Variants in TNFRSF25 observed in about 807,000 individuals in gnomAD.
TNFRSF25 encodes tumor necrosis factor receptor superfamily member 25.
A neutral mutation model predicts 49.4 loss-of-function variants in TNFRSF25; 28 were observed. The ratio of observed to expected loss-of-function variants is 0.57; its 90% CI spans 0.42 to 0.78. The LOEUF (loss-of-function observed/expected upper bound fraction) is 0.78. TNFRSF25 is among the 30% of genes least tolerant of loss of function. The pLI is 0.00. For synonymous variants in TNFRSF25, 240 were observed against 234.2 expected (o/e 1.02, Z -0.23); for missense variants, 531 against 581.6 (o/e 0.91, Z 0.90).
At position 6,465,160 on chromosome 1, in the gene TNFRSF25, G is replaced by C. The variant is rs768824446; in HGVS notation, c.223C>G (p.Gln75Glu). ...TTCTCCCAGGCCAAGAAGGTGTCTT[G>C]GGGACACACAAGGCAGGTGGAGTTG... ...CGNSTCLVCP[Q>E]DTFLAWENHH... The change falls in exon 3 of 10, where the codon CAA (glutamine) becomes GAA (glutamate). Residue 75 changes from glutamine (Q) to glutamate (E), a missense_variant. Transcript: ENST00000356876. 1.2e-6 allele frequency: 2 copies of C among 1,613,928 alleles called. No homozygotes were observed. Among genetic ancestry groups the C allele is most frequent in the African/African-American group, 1.3e-5 (1 of 75,048 alleles).
intron 5 of TNFRSF25, 114 bp downstream of exon 5, chr1:6,464,261 T>A (rs926244859): frequency 3.4e-5 from 51 of 1,520,552 alleles, no homozygotes; most frequent in Middle Eastern, 2.3e-4. Flanking sequence ...GGGCCAAGGC[T>A]CCCTCCTCCC....
chr1:6,464,659 G>C lies in TNFRSF25; in HGVS notation c.356C>G (p.Pro119Arg), dbSNP rs1266163480. The change falls in exon 4 of 10, where the codon CCA becomes CGA. Residue 119 changes from proline (P) to arginine (R), a missense_variant. Transcript: ENST00000356876. ...GACCTGGCACTCCACAAACCAGCCT[G>C]GCTTACAGCCACAGCGGGTGTCGGC... ...AVADTRCGCK[P>R]GWFVECQVSQ... 1.9e-6 allele frequency: 3 copies of C among 1,614,060 alleles called. No individual in the cohort carries two copies. Among genetic ancestry groups the C allele is most frequent in the Non-Finnish European group, 2.5e-6 (3 of 1,180,022 alleles).
chr1:6,460,934 C>T lies in TNFRSF25; in HGVS notation c.*500G>A. 2.8e-6 allele frequency: 1 copy of T among 363,610 alleles called. No individual in the cohort carries two copies. Among genetic ancestry groups the T allele is most frequent in the Non-Finnish European group, 5.6e-6 (1 of 178,574 alleles). 22.5% of individuals were successfully genotyped at this position (363,610 alleles called of 1,614,324 possible). A position where few individuals can be genotyped will look rare whatever the true frequency, so the allele number is the denominator to read the frequency against. Reference sequence around the variant, plus strand: ...CATTAAAGCGCTCTCATCTGGGCTCCGGTTCACTCACTCGCTGTGGCCGCG... The same window carrying T: ...CATTAAAGCGCTCTCATCTGGGCTCTGGTTCACTCACTCGCTGTGGCCGCG... On this transcript the variant is annotated 3_prime_UTR_variant, in exon 10 of 10. Coordinates refer to ENST00000356876, the MANE Select transcript of TNFRSF25 (RefSeq NM_003790.3).
At position 6,461,215 on chromosome 1, in the gene TNFRSF25, G is replaced by C; in HGVS notation, c.*219C>G. 1 of 730,660 alleles carries C rather than the reference G, an allele frequency of 1.4e-6. No homozygotes were observed. The highest frequency in any genetic ancestry group is 2.5e-6 in the Non-Finnish European group (1 of 398,494). 45.3% of individuals were successfully genotyped at this position (730,660 alleles called of 1,614,324 possible). A position where few individuals can be genotyped will look rare whatever the true frequency, so the allele number is the denominator to read the frequency against. On this transcript the variant is annotated 3_prime_UTR_variant, in exon 10 of 10. Transcript: ENST00000356876. The surrounding 1 kb of genome is among the most constrained non-coding windows in gnomAD (Gnocchi z 6.3). ...GCGATCTCAGCCAAACTCCGGCCGAGAAGTTGAGAAATGTCTTCACCCCCT... is the reference window on the plus strand; with the variant it reads ...GCGATCTCAGCCAAACTCCGGCCGACAAGTTGAGAAATGTCTTCACCCCCT...
At chr1:6,463,420 G>A in intron 5 of TNFRSF25, 1 of 484,874 alleles carries the variant, frequency 2.1e-6, no homozygotes, top group Non-Finnish European at 3.7e-6. Flanking sequence ...GAACATAGCA[G>A]ATATTCAATA....
chr1:6,465,749 C>T lies in TNFRSF25; in HGVS notation c.40-189G>A, dbSNP rs555641959. 5 of 1,429,050 alleles carry T rather than the reference C, an allele frequency of 3.5e-6. No homozygotes were observed. The East Asian group carries it at 1.3e-4, about 36-fold the overall frequency. 88.5% of individuals were successfully genotyped at this position (1,429,050 alleles called of 1,614,324 possible). ...TTCCCCCCGCGCACACACCAGGCTT[C>T]GGAGGGGGCGCTTACCAGCCCCTCA... On this transcript the variant is annotated intron_variant, in intron 1 of 9. Transcript: ENST00000356876.
In TNFRSF25 at chr1:6,462,411, G is replaced by A; in HGVS notation, c.744+218C>T. ...AGCACCATGGGGCTCTCCTTCCATT[G>A]AACTGTTAGCTCCTGTGTACGAATC... On this transcript the variant is annotated intron_variant, in intron 8 of 9. Coordinates refer to ENST00000356876, the MANE Select transcript of TNFRSF25 (RefSeq NM_003790.3). This position sits in a 1 kb window ranked among gnomAD's most constrained non-coding sequence, Gnocchi z 4.2. The A allele has an allele frequency of 2.4e-6, 3 of 1,268,642 alleles. No individual in the cohort carries two copies. The highest frequency in any genetic ancestry group is 3.2e-6 in the Non-Finnish European group (3 of 945,942). 78.6% of individuals were successfully genotyped at this position (1,268,642 alleles called of 1,614,324 possible).
chr1:6,465,861 T>C, intron 1 of TNFRSF25: 1 of 1,421,144 alleles, frequency 7.0e-7, no homozygotes, highest in East Asian at 2.6e-5. Flanking sequence ...CTGATAATGC[T>C]CTGCCTGGGG....
rs369201004 is a variant in TNFRSF25, at chr1:6,463,049, C to T, written c.598+23G>A. 21 of 1,552,202 alleles carry T rather than the reference C, an allele frequency of 1.4e-5. No homozygotes were observed. The African/African-American group carries it at 1.4e-4, about 10-fold the overall frequency. The stretch of plus-strand genomic sequence containing the variant: ...CTCGGTCCATCCCAGTTCTCCCACT[C>T]GCATTCCCAGCACACCACCTACTCT... On this transcript the variant is annotated intron_variant, in intron 6 of 9. Coordinates refer to ENST00000356876, the MANE Select transcript of TNFRSF25 (RefSeq NM_003790.3).
Position 6,464,355 on chromosome 1 carries a change from C to T in TNFRSF25, c.542+20G>A, listed in dbSNP as rs115539300. 5.0e-5 allele frequency: 79 copies of T among 1,594,958 alleles called. No homozygotes were observed. In the African/African-American group the frequency reaches 9.5e-4, roughly 19 times the overall value. On this transcript the variant is annotated intron_variant, in intron 5 of 9. Transcript: ENST00000356876. ...GCTCCCAGCCGCCCTTCCCTCCATC[C>T]CACGACAGCTAGGAATTACGTGGGG...
Position 6,464,546 on chromosome 1 carries a change from A to G in TNFRSF25, c.463+6T>C. The G allele has an allele frequency of 6.2e-7, 1 of 1,613,976 alleles. No individual in the cohort carries two copies. Among genetic ancestry groups the G allele is most frequent in the East Asian group, 2.2e-5 (1 of 44,878 alleles). On this transcript the variant is annotated splice_donor_region_variant and intron_variant, in intron 4 of 9. Transcript: ENST00000356876. ...GGAGTAGAGAGCCCTGGGTGGGGGT[A>G]CTCACAGAGTAGCCGTGTGTGGCGG...
chr1:6,465,707 A>G lies in TNFRSF25; in HGVS notation c.40-147T>C. 2.8e-6 allele frequency: 4 copies of G among 1,441,584 alleles called. 1 individual carries two copies. The highest frequency in any genetic ancestry group is 3.6e-6 in the Non-Finnish European group (4 of 1,099,560). 89.3% of individuals were successfully genotyped at this position (1,441,584 alleles called of 1,614,324 possible). On this transcript the variant is annotated intron_variant, in intron 1 of 9. Transcript: ENST00000356876. ...GGGCAGAAGGGGTGCCCATGGGTGG[A>G]GAGGAAACTAACTTCCTTCCCCCCG...
chr1:6,462,841 G>C lies in TNFRSF25; in HGVS notation c.706+22C>G, dbSNP rs759800310. On this transcript the variant is annotated intron_variant, in intron 7 of 9. Coordinates refer to ENST00000356876, the MANE Select transcript of TNFRSF25 (RefSeq NM_003790.3). The surrounding 1 kb of genome is among the most constrained non-coding windows in gnomAD (Gnocchi z 4.2). ...ATCCTGACCCCAGGCTTCTGGGTGC[G>C]TGTGTGGGTGTGTGTACTTACCAGT... 1.9e-6 allele frequency: 3 copies of C among 1,593,056 alleles called. No homozygotes were observed. Among genetic ancestry groups the C allele is most frequent in the African/African-American group, 2.7e-5 (2 of 74,578 alleles).
chr1:6,461,238 C>G lies in TNFRSF25; in HGVS notation c.*196G>C. On this transcript the variant is annotated 3_prime_UTR_variant, in exon 10 of 10. Coordinates refer to ENST00000356876, the MANE Select transcript of TNFRSF25 (RefSeq NM_003790.3). This position sits in a 1 kb window ranked among gnomAD's most constrained non-coding sequence, Gnocchi z 6.3. ...GAGAAGTTGAGAAATGTCTTCACCC[C>G]CTCTCGACATTCGTTCGTGCTTCTT... 2.7e-6 allele frequency: 2 copies of G among 751,552 alleles called. No homozygotes were observed. Among genetic ancestry groups the G allele is most frequent in the South Asian group, 1.5e-5 (1 of 67,412 alleles). The allele number at this position is 751,552 out of a possible 1,614,324, so 46.6% of individuals were successfully genotyped here.
chr1:6,464,523 A>G (rs1557727732), intron 4 of TNFRSF25, 29 bp downstream of exon 4: 26 of 1,613,618 alleles, frequency 1.6e-5, no homozygotes, highest in Non-Finnish European at 2.1e-5. Context: ...GGGGTCTGGG[A>G]GTAGAGAGCC....
chr1:6,460,858 T>C lies in TNFRSF25; in HGVS notation c.*576A>G, dbSNP rs1048894640. ...GAGGATGAGGGGCCCTGACCCTGTG[T>C]CTCCAACTGCTGCACCCCATCCCGA... On this transcript the variant is annotated 3_prime_UTR_variant, in exon 10 of 10. Coordinates refer to ENST00000356876, the MANE Select transcript of TNFRSF25 (RefSeq NM_003790.3). The C allele has an allele frequency of 6.5e-6, 2 of 307,230 alleles. No individual in the cohort carries two copies. Among genetic ancestry groups the C allele is most frequent in the Non-Finnish European group, 1.3e-5 (2 of 156,640 alleles). The allele number at this position is 307,230 out of a possible 1,614,324, so 19.0% of individuals were successfully genotyped here.
intron 1 of TNFRSF25, 98 bp from the exon 2 acceptor site, chr1:6,465,658 A>T: frequency 6.6e-7 from 1 of 1,505,526 alleles, no homozygotes; most frequent in Non-Finnish European, 8.9e-7. Context: ...ATTTGCCCAC[A>T]GAGCAGCCCA....
intron 2 of TNFRSF25, 98 bp downstream of exon 2, chr1:6,465,342 C>G: frequency 1.9e-6 from 3 of 1,593,466 alleles, no homozygotes; most frequent in Non-Finnish European, 8.6e-7. Flanking sequence ...TCAGCCTACC[C>G]CTACCTCCCC....
In TNFRSF25 at chr1:6,461,863, G is replaced by A; in HGVS notation, c.926-101C>T. 6.9e-7 allele frequency: 1 copy of A among 1,454,438 alleles called. No individual in the cohort carries two copies. The highest frequency in any genetic ancestry group is 1.4e-5 in the South Asian group (1 of 72,200). The allele number at this position is 1,454,438 out of a possible 1,614,324, so 90.1% of individuals were successfully genotyped here. On this transcript the variant is annotated intron_variant, in intron 9 of 9. Transcript: ENST00000356876. The surrounding 1 kb of genome is among the most constrained non-coding windows in gnomAD (Gnocchi z 6.3). The stretch of plus-strand genomic sequence containing the variant: ...GGTACCCCAGGGCTGAAGCCCGCTG[G>A]ATCCGGTGGGTCAGGGCATAGGGCG...
Sources: allele counts gnomAD v4.1 joint callset, GRCh38; gene constraint gnomAD v4.1.1; non-coding constraint Gnocchi (gnomAD v3.1); transcripts MANE v1.5; gene names NCBI Gene and HGNC (gene_info 2026-07-23, HGNC 2026-07-21).